ATP2A1: variants seen among roughly 807,000 people sequenced by gnomAD.
ATP2A1 encodes ATPase sarcoplasmic/endoplasmic reticulum Ca2+ transporting 1, also known as sarcoplasmic/endoplasmic reticulum calcium ATPase 1.
A neutral mutation model predicts 109.5 loss-of-function variants in ATP2A1; 83 were observed. That is an observed-to-expected ratio of 0.76 (90% confidence interval 0.63 to 0.91). ATP2A1 has a LOEUF of 0.91. ATP2A1 is among the 40% of genes least tolerant of loss of function. The pLI, the probability that ATP2A1 is intolerant of heterozygous loss-of-function variation, is 0.00. For missense variants in ATP2A1, 1,101 were observed against 1,341.0 expected (o/e 0.82, Z 2.80); for synonymous variants, 505 against 537.6 (o/e 0.94, Z 0.84).
In ATP2A1 at chr16:28,888,037, C is replaced by T. The variant is rs530709598; in HGVS notation, c.928+315C>T. Among the ~76,000 whole-genome samples, 6 of 152,050 alleles carry T rather than the reference C, an allele frequency of 3.9e-5. No homozygotes were observed. The South Asian group carries it at 1.2e-3, about 31-fold the overall frequency. On this transcript the variant is annotated intron_variant, in intron 8 of 22. Coordinates refer to ENST00000395503, the MANE Select transcript of ATP2A1 (RefSeq NM_004320.6). ...AGGATGGTCTCGATCTCCTGACCTC[C>T]TGATCTGCCCGCCTTGGCCTCCCAA...
In ATP2A1 at chr16:28,902,369, G is replaced by A. The variant is rs761928308; in HGVS notation, c.2507G>A (p.Arg836His). Residue 836 changes from arginine (R) to histidine (H), a missense_variant, in exon 17 of 23, where the codon CGC becomes CAC. Coordinates refer to ENST00000395503, the MANE Select transcript of ATP2A1 (RefSeq NM_004320.6). This position sits in a 1 kb window ranked among gnomAD's most constrained non-coding sequence, Gnocchi z 4.8. Reference protein sequence around the residue: ...EPLISGWLFFRYMAIGGYVGA... With the variant: ...EPLISGWLFFHYMAIGGYVGA... ...CTCATCAGTGGCTGGCTCTTCTTCC[G>A]CTACATGGCAATCGGGGGTGAGCTG... The A allele has an allele frequency of 9.3e-6, 15 of 1,613,928 alleles. No individual in the cohort carries two copies. The highest frequency in any genetic ancestry group is 5.5e-5 in the South Asian group (5 of 91,076).
At position 28,894,231 on chromosome 16, in the gene ATP2A1, C is replaced by T; in HGVS notation, c.1172C>T (p.Pro391Leu). The T allele has an allele frequency of 6.2e-7, 1 of 1,613,944 alleles. No homozygotes were observed. Among genetic ancestry groups the T allele is most frequent in the African/African-American group, 1.3e-5 (1 of 75,024 alleles). Residue 391 changes from proline to leucine, a missense_variant, in exon 10 of 23, where the codon CCA becomes CTA. By Grantham distance (98) the Pro-to-Leu change is moderately conservative. Transcript: ENST00000395503. ...TCCATCACCGGCTCCACTTACGCTC[C>T]AGAGGGAGAGGTGTAAGTCACCCAG... ...EFSITGSTYAPEGEVLKNDKP... is the reference protein window; with the variant it reads ...EFSITGSTYALEGEVLKNDKP...
At chr16:28,894,395 C>A in intron 10 of ATP2A1, 110 bp from the exon 11 acceptor site, 1 of 1,303,892 alleles carries the variant, frequency 7.7e-7, no homozygotes, top group Non-Finnish European at 1.1e-6. Flanking sequence ...TGGCTCTCCC[C>A]ACTGTCCTTC....
At position 28,878,713 on chromosome 16, in the gene ATP2A1, C is replaced by T. The variant is rs1346391035; in HGVS notation, c.42C>T (p.Ala14=). The T allele has an allele frequency of 6.2e-7, 1 of 1,611,952 alleles. No homozygotes were observed. The highest frequency in any genetic ancestry group is 1.1e-5 in the South Asian group (1 of 90,678). The part of the protein sequence containing the change: ...AHAKTTEECL[A]YFGVSETTGL... Reference sequence around the variant, plus strand: ...CTAAAACCACGGAGGAATGTTTGGCCTATTTTGGGGTGAGTGAGACCACGG... The same window carrying T: ...CTAAAACCACGGAGGAATGTTTGGCTTATTTTGGGGTGAGTGAGACCACGG... The change falls in exon 1 of 23, where the codon GCC becomes GCT. Residue 14 remains alanine, a synonymous_variant. Transcript: ENST00000395503.
intron 15 of ATP2A1, 124 bp from the exon 16 acceptor site, chr16:28,901,739 T>G: frequency 1.2e-6 from 1 of 865,458 alleles, no homozygotes; most frequent in Non-Finnish European, 1.8e-6. Context: ...GGAGGATTGC[T>G]TGAGCCCAGG....
chr16:28,887,171 T>C lies in ATP2A1; in HGVS notation c.545-18T>C. 6.2e-7 allele frequency: 1 copy of C among 1,613,350 alleles called. No homozygotes were observed. Among genetic ancestry groups the C allele is most frequent in the Non-Finnish European group, 8.5e-7 (1 of 1,179,556 alleles). On this transcript the variant is annotated intron_variant, in intron 6 of 22. Coordinates refer to ENST00000395503, the MANE Select transcript of ATP2A1 (RefSeq NM_004320.6). ...GGACATGATGTCATCCGAAAACCCCTTGGCCCCTTCTCCACAGGCGAGTCT... is the reference window on the plus strand; with the variant it reads ...GGACATGATGTCATCCGAAAACCCCCTGGCCCCTTCTCCACAGGCGAGTCT...
chr16:28,901,802 C>CT, intron 15 of ATP2A1, 61 bp from the exon 16 acceptor site: 1 of 1,459,218 alleles, frequency 6.9e-7, no homozygotes, highest in Non-Finnish European at 9.4e-7. Context: ...AAAATAAAAC[C>CT]TTTTTTAAAA....
chr16:28,901,545 A>G (rs1446376240), intron 15 of ATP2A1, among the ~76,000 whole-genome samples: 1 of 152,012 alleles, frequency 6.6e-6, no homozygotes, highest in African/African-American at 2.4e-5. Flanking sequence ...AGACAGAAGA[A>G]CTGCTTGAAC....
chr16:28,902,916 G>A lies in ATP2A1; in HGVS notation c.2744+5G>A, dbSNP rs762652538. On this transcript the variant is annotated splice_donor_5th_base_variant and intron_variant, in intron 19 of 22. Transcript: ENST00000395503. The surrounding 1 kb of genome is among the most constrained non-coding windows in gnomAD (Gnocchi z 4.8). ...GATGTGCAATGCACTGAACAGGTGG[G>A]GGCCCCCCAGCTACACCCACCACCC... 1 of 1,613,630 alleles carries A rather than the reference G, an allele frequency of 6.2e-7. No individual in the cohort carries two copies. The highest frequency in any genetic ancestry group is 8.5e-7 in the Non-Finnish European group (1 of 1,179,868).
intron 14 of ATP2A1, among the ~76,000 whole-genome samples, chr16:28,900,261 G>A (rs1407626126): frequency 2.7e-5 from 4 of 150,362 alleles, no homozygotes; most frequent in Admixed American, 1.3e-4. Context: ...TGATCGCACC[G>A]TTGTACCACT....
chr16:28,901,328 CAAAAAAAAAA>C (rs768320423), intron 15 of ATP2A1, among the ~76,000 whole-genome samples: 1 of 55,922 alleles, frequency 1.8e-5, no homozygotes. Context: ...GACCCTGTCT[CAAAAAAAAAA>C]AAAAAAAAAA....
intron 12 of ATP2A1, among the ~76,000 whole-genome samples, chr16:28,895,673 C>T (rs1276812112): frequency 2.0e-5 from 3 of 147,018 alleles, no homozygotes; most frequent in South Asian, 4.4e-4. Context: ...CAAAAAAAAA[C>T]GAAAACAAAA....
Position 28,880,835 on chromosome 16 carries a change from C to T in ATP2A1, c.220-80C>T, listed in dbSNP as rs980892080. 2.2e-6 allele frequency: 3 copies of T among 1,353,142 alleles called. No homozygotes were observed. The highest frequency in any genetic ancestry group is 2.9e-5 in the African/African-American group (2 of 69,574). The allele number at this position is 1,353,142 out of a possible 1,614,324, so 83.8% of individuals were successfully genotyped here. ...TCCTGCACTCTCCTGCACAGTTCTC[C>T]CCTTTGCAGTGGTCCACTTCCTTTC... On this transcript the variant is annotated intron_variant, in intron 3 of 22. Coordinates refer to ENST00000395503, the MANE Select transcript of ATP2A1 (RefSeq NM_004320.6). This position sits in a 1 kb window ranked among gnomAD's most constrained non-coding sequence, Gnocchi z 4.2.
At chr16:28,885,633 A>G (rs1456553485) in intron 6 of ATP2A1, among the ~76,000 whole-genome samples, 1 of 151,816 alleles carries the variant, frequency 6.6e-6, no homozygotes, top group Non-Finnish European at 1.5e-5. Flanking sequence ...TGAGCCACCC[A>G]CTGCACCTGA....
At position 28,887,529 on chromosome 16, in the gene ATP2A1, C is replaced by T. The variant is rs768576283; in HGVS notation, c.735C>T (p.Asp245=). 1 of 1,613,978 alleles carries T rather than the reference C, an allele frequency of 6.2e-7. No homozygotes were observed. The highest frequency in any genetic ancestry group is 8.5e-7 in the Non-Finnish European group (1 of 1,179,986). The change falls in exon 8 of 23, where the codon GAC becomes GAT. Residue 245 remains aspartate, a synonymous_variant. Coordinates refer to ENST00000395503, the MANE Select transcript of ATP2A1 (RefSeq NM_004320.6). ...IRDQMAATEQ[D]KTPLQQKLDE... ...ACCAAATGGCTGCCACAGAACAGGA[C>T]AAGACCCCCTTGCAGCAGAAGCTGG...
In ATP2A1 at chr16:28,891,589, C is replaced by CAAAAAAAA. The variant is rs58605175; in HGVS notation, c.1096-2555_1096-2548dup. ...TGGGCGACAGAGCGAGACTCCGTCT[C>CAAAAAAAA]AAAAAAAAAAAAAAAAAAGTAGCCA... On this transcript the variant is annotated intron_variant, in intron 9 of 22. Coordinates refer to ENST00000395503, the MANE Select transcript of ATP2A1 (RefSeq NM_004320.6). Among the ~76,000 whole-genome samples the CAAAAAAAA allele has an allele frequency of 2.3e-3, 164 of 72,268 alleles. 1 individual carries two copies. The highest frequency in any genetic ancestry group is 5.0e-3 in the East Asian group (12 of 2,378). 47.4% of individuals were successfully genotyped at this position (72,268 alleles called of 152,430 possible). A position where few individuals can be genotyped will look rare whatever the true frequency, so the allele number is the denominator to read the frequency against.
rs754157591 is a variant in ATP2A1 at position 28,879,511 on chromosome 16, G to A, written c.147G>A (p.Leu49=). 1 of 1,614,148 alleles carries A rather than the reference G, an allele frequency of 6.2e-7. No individual in the cohort carries two copies. The part of the protein sequence containing the change: ...NELPAEEGKT[L]WELVIEQFED... Reference sequence around the variant, plus strand: ...TGCCTCCTCCCCCAGGGAAGACCCTGTGGGAGCTGGTGATAGAGCAGTTTG... The same window carrying A: ...TGCCTCCTCCCCCAGGGAAGACCCTATGGGAGCTGGTGATAGAGCAGTTTG... Residue 49 remains leucine (L), a synonymous_variant, in exon 3 of 23, where the codon CTG becomes CTA. Transcript: ENST00000395503.
In ATP2A1 at chr16:28,880,784, C is replaced by T. The variant is rs1368324572; in HGVS notation, c.220-131C>T. The T allele has an allele frequency of 1.0e-5, 9 of 870,720 alleles. No homozygotes were observed. Among genetic ancestry groups the T allele is most frequent in the East Asian group, 2.5e-5 (1 of 39,524 alleles). 53.9% of individuals were successfully genotyped at this position (870,720 alleles called of 1,614,324 possible). ...AGACGGATGTGGGGCCACAGCGCCC[C>T]GACGGTGCCCGGCCCTCCTGCTGGC... is the stretch of plus-strand genomic sequence containing the variant. On this transcript the variant is annotated intron_variant, in intron 3 of 22. Transcript: ENST00000395503. The surrounding 1 kb of genome is among the most constrained non-coding windows in gnomAD (Gnocchi z 4.2).
chr16:28,895,092 C>G (rs764939222), intron 12 of ATP2A1, 139 bp downstream of exon 12: 627 of 1,283,490 alleles, frequency 4.9e-4, no homozygotes, highest in Non-Finnish European at 6.4e-4. Context: ...CCTGCAGCTT[C>G]TCCACAGGCT....
Sources: allele counts gnomAD v4.1 joint callset (sites outside exome capture counted in the v4.1 genomes callset), GRCh38; gene constraint gnomAD v4.1.1; non-coding constraint Gnocchi (gnomAD v3.1); transcripts MANE v1.5; gene names NCBI Gene and HGNC (gene_info 2026-07-23, HGNC 2026-07-21).